Variants in FBXO11 observed in about 807,000 individuals in gnomAD.
FBXO11 encodes F-box only protein 11.
FBXO11 carries 13 observed loss-of-function variants against 117.0 expected under a neutral mutation model. The ratio of observed to expected loss-of-function variants is 0.11; its 90% CI spans 0.07 to 0.18. The LOEUF (loss-of-function observed/expected upper bound fraction) is 0.18. Ranked by LOEUF, FBXO11 falls within the 10% of genes least tolerant of loss-of-function variation. FBXO11 has a pLI of 1.00. For synonymous variants in FBXO11, 490 were observed against 380.5 expected, an observed-to-expected ratio of 1.29 and a Z score of -3.35; for missense variants, 767 against 1,164.4, an observed-to-expected ratio of 0.66 and a Z score of 4.97.
At chr2:47,818,539 A>T in intron 16 of FBXO11, 1 of 392,616 alleles carries the variant, frequency 2.5e-6, no homozygotes, top group Non-Finnish European at 4.6e-6. Flanking sequence ...TGTGACTCTC[A>T]TAGTGGAAAG....
intron 1 of FBXO11, among the ~76,000 whole-genome samples, chr2:47,840,872 T>C (rs1672962148): frequency 6.6e-6 from 1 of 151,520 alleles, no homozygotes; most frequent in Non-Finnish European, 1.5e-5. Context: ...AAAAAGATTA[T>C]TTGAAAGATG....
Position 47,905,659 on chromosome 2 carries a change from T to G in FBXO11, c.62A>C (p.Gln21Pro). ...CTGCGGGGGCTGCTGCTGCTGTTGC[T>G]GCACCGGGCGCGGCCGCGACACTCG... ...PRRVSRPRPV[Q>P]QQQQQPPQQP... Residue 21 changes from glutamine to proline, a missense_variant, in exon 1 of 23, where the codon CAG becomes CCG. Physicochemically the swap from Gln to Pro is moderately conservative, Grantham distance 76. Around this residue, in one of 10 missense-constraint regions of FBXO11, gnomAD observed 355 missense variants for 299.8 expected, o/e 1.18. Transcript: ENST00000403359. 1 of 1,490,264 alleles carries G rather than the reference T, an allele frequency of 6.7e-7. No homozygotes were observed. Among genetic ancestry groups the G allele is most frequent in the Non-Finnish European group, 8.9e-7 (1 of 1,121,250 alleles). The allele number at this position is 1,490,264 out of a possible 1,614,324, so 92.3% of individuals were successfully genotyped here.
intron 20 of FBXO11, 93 bp from the exon 21 acceptor site, chr2:47,809,359 ATTT>A: frequency 3.7e-6 from 3 of 818,280 alleles, no homozygotes; most frequent in Non-Finnish European, 5.7e-6. Flanking sequence ...AAGAGCCACT[ATTT>A]TTAAGAGCTT....
chr2:47,836,086 G>C, intron 4 of FBXO11, 85 bp from the exon 5 acceptor site: 1 of 981,964 alleles, frequency 1.0e-6, no homozygotes, highest in Non-Finnish European at 1.4e-6. Flanking sequence ...AATTATTTGA[G>C]GCCTCAAAAA....
intron 1 of FBXO11, among the ~76,000 whole-genome samples, chr2:47,855,200 A>ATT (rs879453061): frequency 3.5e-5 from 5 of 144,912 alleles, no homozygotes; most frequent in African/African-American, 5.0e-5. Context: ...AGGTAGACTC[A>ATT]TTTTTTTTTT....
rs1673747868 is a variant in FBXO11 at position 47,850,165 on chromosome 2, T to TG, written c.233-10397dup. On this transcript the variant is annotated intron_variant, in intron 1 of 22. Transcript: ENST00000403359. ...AACTTGATGAGTGGGTATGGTGGGCTGGGGGTGGAGAAGAGGTTGGAACCA... is the reference window on the plus strand; with the variant it reads ...AACTTGATGAGTGGGTATGGTGGGCTGGGGGGTGGAGAAGAGGTTGGAACCA... Among the ~76,000 whole-genome samples the TG allele has an allele frequency of 2.0e-5, 3 of 152,064 alleles. No individual in the cohort carries two copies. In the South Asian group the frequency reaches 6.2e-4, roughly 31 times the overall value.
intron 3 of FBXO11, 71 bp from the exon 4 acceptor site, chr2:47,839,074 C>A: frequency 1.4e-6 from 2 of 1,445,260 alleles, no homozygotes; most frequent in Non-Finnish European, 1.9e-6. Flanking sequence ...ACACAGTTTT[C>A]ATTTTATCTA....
At chr2:47,857,892 G>A (rs1470125237) in intron 1 of FBXO11, among the ~76,000 whole-genome samples, 1 of 152,104 alleles carries the variant, frequency 6.6e-6, no homozygotes, top group African/African-American at 2.4e-5. Flanking sequence ...GGCAGACGCA[G>A]CAGACTTTTA....
intron 1 of FBXO11, among the ~76,000 whole-genome samples, chr2:47,901,120 CGT>C (rs1172601951): frequency 8.9e-5 from 7 of 78,498 alleles, no homozygotes; most frequent in African/African-American, 1.5e-4. Flanking sequence ...TATGTACACA[CGT>C]GTGTACATGT....
At chr2:47,898,417 A>T (rs1406137491) in intron 1 of FBXO11, among the ~76,000 whole-genome samples, 1 of 152,224 alleles carries the variant, frequency 6.6e-6, no homozygotes, top group African/African-American at 2.4e-5. Context: ...AACCAGTCAA[A>T]ATTACCACTG....
chr2:47,834,546 T>G (rs780871810), intron 7 of FBXO11, 33 bp downstream of exon 7: 5 of 1,487,344 alleles, frequency 3.4e-6, no homozygotes, highest in Admixed American at 2.4e-5. Context: ...GAGTAAAATA[T>G]TAAAATTTTA....
At chr2:47,900,101 A>G (rs1677988847) in intron 1 of FBXO11, among the ~76,000 whole-genome samples, 1 of 152,160 alleles carries the variant, frequency 6.6e-6, no homozygotes, top group South Asian at 2.1e-4. Context: ...GAAAAGCAGG[A>G]TAAGAGCTCT....
chr2:47,901,489 G>A (rs959019748), intron 1 of FBXO11, among the ~76,000 whole-genome samples: 3 of 152,092 alleles, frequency 2.0e-5, no homozygotes, highest in Non-Finnish European at 4.4e-5. Flanking sequence ...ACTAATAACA[G>A]TTATTAGATT....
intron 11 of FBXO11, among the ~76,000 whole-genome samples, chr2:47,826,684 T>A (rs1208072054): frequency 1.3e-5 from 2 of 150,652 alleles, no homozygotes; most frequent in East Asian, 3.8e-4. Flanking sequence ...CTGCACAATT[T>A]TTTGGATTTT....
intron 1 of FBXO11, among the ~76,000 whole-genome samples, chr2:47,879,195 ACT>A (rs1572894168): frequency 6.6e-6 from 1 of 152,172 alleles, no homozygotes; most frequent in East Asian, 1.9e-4. Context: ...CTAATCCCCT[ACT>A]GATGGACATC....
chr2:47,901,029 ATACACAC>A (rs1678212124), intron 1 of FBXO11, among the ~76,000 whole-genome samples: 1 of 138,604 alleles, frequency 7.2e-6, no homozygotes, highest in African/African-American at 2.6e-5. Context: ...ATGTATATAT[ATACACAC>A]GTGTGTACAT....
intron 21 of FBXO11, 52 bp downstream of exon 21, chr2:47,809,106 A>AATT: frequency 8.4e-7 from 1 of 1,197,148 alleles, no homozygotes; most frequent in East Asian, 2.4e-5. Flanking sequence ...TGCTAATTTA[A>AATT]AAAGGAAATC....
chr2:47,853,181 C>T (rs1674010054), intron 1 of FBXO11, among the ~76,000 whole-genome samples: 3 of 151,770 alleles, frequency 2.0e-5, no homozygotes, highest in Admixed American at 2.0e-4. Context: ...AAGCCATTCT[C>T]CTGCCTCAGC....
Position 47,822,261 on chromosome 2 carries a change from G to A in FBXO11, c.1659C>T (p.Ile553=). 1 of 1,599,976 alleles carries A rather than the reference G, an allele frequency of 6.3e-7. No individual in the cohort carries two copies. The highest frequency in any genetic ancestry group is 8.5e-7 in the Non-Finnish European group (1 of 1,173,322). The part of the protein sequence containing the change: ...IFNGNQGGVY[I]FGDGRGLIEG... ...CAATAAGGCCTCGTCCATCACCAAA[G>A]ATGTAAACTCCTCCTTGATTTCCAT... is the stretch of plus-strand genomic sequence containing the variant. The change falls in exon 13 of 23, where the codon ATC becomes ATT. Residue 553 remains isoleucine (I), a synonymous_variant. Coordinates refer to ENST00000403359, the MANE Select transcript of FBXO11 (RefSeq NM_001190274.2).
Sources: allele counts gnomAD v4.1 joint callset (sites outside exome capture counted in the v4.1 genomes callset), GRCh38; gene constraint gnomAD v4.1.1; regional missense constraint gnomAD v4.1.1; transcripts MANE v1.5; gene names NCBI Gene and HGNC (gene_info 2026-07-23, HGNC 2026-07-21).